Variants in NOP56 observed in about 807,000 individuals in gnomAD.
The protein encoded by NOP56 is nucleolar protein 56.
In NOP56, 31 loss-of-function variants were observed where a neutral mutation model predicts 58.3. The observed-to-expected ratio is 0.53, with a 90% CI of 0.40 to 0.72. NOP56 has a LOEUF of 0.72. Among genes scored for constraint, NOP56 ranks in the 30% least tolerant of loss-of-function variants. NOP56 has a pLI of 0.00. For synonymous variants in NOP56, 313 were observed against 282.8 expected (o/e 1.11, Z -1.07); for missense variants, 669 against 739.9 (o/e 0.90, Z 1.11).
chr20:2,656,390 T>C lies in NOP56; in HGVS notation c.1011-11T>C, dbSNP rs1207892219. On this transcript the variant is annotated splice_polypyrimidine_tract_variant and intron_variant, in intron 8 of 11. Transcript: ENST00000329276. ...TTCTGATCTTAAACTCTCCACTGAATATTCTCTCAGAGCCCTGAAGACAAG... is the reference window on the plus strand; with the variant it reads ...TTCTGATCTTAAACTCTCCACTGAACATTCTCTCAGAGCCCTGAAGACAAG... 8 of 1,614,040 alleles carry C rather than the reference T, an allele frequency of 5.0e-6. No homozygotes were observed. The highest frequency in any genetic ancestry group is 5.1e-6 in the Non-Finnish European group (6 of 1,179,992).
rs369630701 is a variant in NOP56, at chr20:2,654,962, C to A, written c.569+15C>A. 2.5e-6 allele frequency: 4 copies of A among 1,613,326 alleles called. No homozygotes were observed. The African/African-American group carries it at 4.0e-5, about 16-fold the overall frequency. On this transcript the variant is annotated intron_variant, in intron 5 of 11. Transcript: ENST00000329276. ...ATGCGTGTCAGGTAAAGTGCAGGGG[C>A]CACCCATAATACTGGAGCCTTTGGT...
At chr20:2,654,388 G>C (rs758616146) in intron 3 of NOP56, 26 bp from the exon 4 acceptor site, 1 of 1,613,868 alleles carries the variant, frequency 6.2e-7, no homozygotes, top group South Asian at 1.1e-5. Context: ...CAGCCTGTTA[G>C]TGGGAACTGT....
chr20:2,652,793 G>C (rs1036343933), intron 1 of NOP56, 49 bp from the exon 2 acceptor site: 7 of 1,581,842 alleles, frequency 4.4e-6, no homozygotes, highest in Admixed American at 1.8e-5. Flanking sequence ...AACGGGTTCC[G>C]GCAGACGCTG....
intron 3 of NOP56, chr20:2,653,825 T>C (rs1379359123): frequency 3.8e-6 from 1 of 260,258 alleles, no homozygotes; most frequent in Non-Finnish European, 7.7e-6. Context: ...CCGGCTAATT[T>C]TGTATTTTTG....
Position 2,655,397 on chromosome 20 carries a change from C to G in NOP56, c.642C>G (p.Ala214=), listed in dbSNP as rs1235551403. ...INDNATYCRL[A]QFIGNRRELN... is the part of the protein sequence containing the mutation. ...ACAATGCCACATACTGCCGTCTTGC[C>G]CAGTTTATTGGAAACCGAAGGGAAC... Residue 214 remains alanine, a synonymous_variant, in exon 6 of 12, where the codon GCC becomes GCG. Coordinates refer to ENST00000329276, the MANE Select transcript of NOP56 (RefSeq NM_006392.4). 6.2e-7 allele frequency: 1 copy of G among 1,614,074 alleles called. No individual in the cohort carries two copies. Among genetic ancestry groups the G allele is most frequent in the South Asian group, 1.1e-5 (1 of 91,066 alleles).
Position 2,658,373 on chromosome 20 carries a change from A to G in NOP56, c.*79A>G, listed in dbSNP as rs556032889. On this transcript the variant is annotated 3_prime_UTR_variant, in exon 12 of 12. Transcript: ENST00000329276. ...TTTCCCACCCTGTGCCGTGTTCCCC[A>G]ATAAAAACAAATTCACAAGAGTTGG... The G allele has an allele frequency of 3.1e-6, 5 of 1,609,024 alleles. No homozygotes were observed. In the African/African-American group the frequency reaches 6.7e-5, roughly 21 times the overall value.
intron 3 of NOP56, 73 bp from the exon 4 acceptor site, chr20:2,654,341 G>GGTA (rs2086789753): frequency 6.5e-7 from 1 of 1,545,800 alleles, no homozygotes; most frequent in Non-Finnish European, 8.9e-7. Context: ...GTGGGACCAG[G>GGTA]GTAGTCAGCT....
Position 2,657,065 on chromosome 20 carries a change from A to G in NOP56, c.1282-16A>G, listed in dbSNP as rs762123080. On this transcript the variant is annotated splice_polypyrimidine_tract_variant and intron_variant, in intron 10 of 11. Transcript: ENST00000329276. ...CCAGAAGTCTTCAGGCCCTTTTAGCACTTTTCTTTGACCAGGCAGAGGAAG... is the reference window on the plus strand; with the variant it reads ...CCAGAAGTCTTCAGGCCCTTTTAGCGCTTTTCTTTGACCAGGCAGAGGAAG... 6 of 1,614,068 alleles carry G rather than the reference A, an allele frequency of 3.7e-6. No individual in the cohort carries two copies. Among genetic ancestry groups the G allele is most frequent in the South Asian group, 2.2e-5 (2 of 91,068 alleles).
rs529491599 is a variant in NOP56 at position 2,653,275 on chromosome 20, C to T, written c.94-4C>T. Reference sequence around the variant, plus strand: ...GAAACCACTTAGCCTCTTTCTCCCCCCAGGTGGAGGAGTCTGTGCTCAACC... The same window carrying T: ...GAAACCACTTAGCCTCTTTCTCCCCTCAGGTGGAGGAGTCTGTGCTCAACC... On this transcript the variant is annotated splice_polypyrimidine_tract_variant and splice_region_variant and intron_variant, in intron 2 of 11. Coordinates refer to ENST00000329276, the MANE Select transcript of NOP56 (RefSeq NM_006392.4). 4.6e-5 allele frequency: 74 copies of T among 1,611,672 alleles called. 1 individual carries two copies. In the South Asian group the frequency reaches 7.4e-4, roughly 16 times the overall value.
In NOP56 at chr20:2,654,476, G is replaced by A. The variant is rs573280720; in HGVS notation, c.271G>A (p.Val91Ile). The A allele has an allele frequency of 6.2e-7, 1 of 1,614,206 alleles. No homozygotes were observed. Among genetic ancestry groups the A allele is most frequent in the East Asian group, 2.2e-5 (1 of 44,894 alleles). Reference protein sequence around the residue: ...ETHLPSKKKKVLLGVGDPKIG... With the variant: ...ETHLPSKKKKILLGVGDPKIG... ...CCACCTGCCGTCCAAAAAGAAGAAA[G>A]TACTCTTGGGAGTTGGGGATCCCAA... The change falls in exon 4 of 12, where the codon GTA becomes ATA. Residue 91 changes from valine to isoleucine, a missense_variant. Physicochemically the swap from Val to Ile is conservative, Grantham distance 29 (BLOSUM62 3). Around this residue, in one of 3 missense-constraint regions of NOP56, gnomAD observed 121 missense variants for 113.1 expected, o/e 1.07. Coordinates refer to ENST00000329276, the MANE Select transcript of NOP56 (RefSeq NM_006392.4).
At chr20:2,656,236 C>T in intron 8 of NOP56, 165 bp from the exon 9 acceptor site, 1 of 1,604,782 alleles carries the variant, frequency 6.2e-7, no homozygotes, top group Non-Finnish European at 8.5e-7. Context: ...TGGATGCCTT[C>T]CCTCTGCCTC....
chr20:2,655,132 A>G, intron 5 of NOP56, 185 bp downstream of exon 5: 6 of 1,049,658 alleles, frequency 5.7e-6, no homozygotes, highest in Non-Finnish European at 9.0e-6. Context: ...AGGTAGAGTA[A>G]ACCTACCCCA....
Position 2,655,685 on chromosome 20 carries a change from C to T in NOP56, c.848C>T (p.Thr283Ile), listed in dbSNP as rs772891600. The part of the protein sequence containing the change: ...SLSEYRQSLH[T>I]YLRSKMSQVA... ...TCTGAATACCGCCAGAGCCTACACA[C>T]TTACCTGCGCTCCAAGATGAGCCAA... The change falls in exon 7 of 12, where the codon ACT (threonine) becomes ATT (isoleucine). Residue 283 changes from threonine to isoleucine, a missense_variant. This residue lies in a region of NOP56 where 339 missense variants were observed against 430.5 expected (regional missense o/e 0.79). Transcript: ENST00000329276. 60 of 1,614,098 alleles carry T rather than the reference C, an allele frequency of 3.7e-5. No individual in the cohort carries two copies. Among genetic ancestry groups the T allele is most frequent in the Middle Eastern group, 1.6e-4 (1 of 6,084 alleles).
rs776137097 is a variant in NOP56, at chr20:2,656,110, GCTGACCAGGGCTCC to G, written c.1010+83_1010+96del. 1.9e-6 allele frequency: 3 copies of G among 1,613,114 alleles called. No individual in the cohort carries two copies. In the Admixed American group the frequency reaches 5.0e-5, roughly 27 times the overall value. ...TGCTTGTTGGGGGATCACGGTGATG[GCTGACCAGGGCTCC>G]CTGACCTATACAGGCCTCTGCTATG... On this transcript the variant is annotated intron_variant, in intron 8 of 11. Transcript: ENST00000329276.
chr20:2,655,047 GT>G, intron 5 of NOP56, 100 bp downstream of exon 5: 3 of 1,441,956 alleles, frequency 2.1e-6, no homozygotes, highest in African/African-American at 2.8e-5. Flanking sequence ...GTAGAACCAT[GT>G]GGGCTGGGGC....
chr20:2,654,458 C>T lies in NOP56; in HGVS notation c.253C>T (p.Pro85Ser). The change falls in exon 4 of 12, where the codon CCG (proline) becomes TCG (serine). Residue 85 changes from proline to serine, a missense_variant. Around this residue, in one of 3 missense-constraint regions of NOP56, gnomAD observed 121 missense variants for 113.1 expected, o/e 1.07. Coordinates refer to ENST00000329276, the MANE Select transcript of NOP56 (RefSeq NM_006392.4). ...CCGCCTGCTCTTGGAGACCCACCTG[C>T]CGTCCAAAAAGAAGAAAGTACTCTT... Reference protein sequence around the residue: ...DLRLLLETHLPSKKKKVLLGV... With the variant: ...DLRLLLETHLSSKKKKVLLGV... 6.2e-7 allele frequency: 1 copy of T among 1,614,126 alleles called. No homozygotes were observed. The highest frequency in any genetic ancestry group is 1.1e-5 in the South Asian group (1 of 91,084).
At chr20:2,655,214 GGATCTTTGTCCCATTTCCTCCAGGCAGA>G in intron 5 of NOP56, 83 bp from the exon 6 acceptor site, 1 of 1,348,158 alleles carries the variant, frequency 7.4e-7, no homozygotes, top group Non-Finnish European at 1.1e-6. Flanking sequence ...AGGAAGATTT[GGATCTTTGTCCCATTTCCTCCAGGCAGA>G]GTAGGTGTGG....
Position 2,658,223 on chromosome 20 carries a change from C to T in NOP56, c.1714C>T (p.Pro572Ser). The T allele has an allele frequency of 6.2e-7, 1 of 1,603,568 alleles. No homozygotes were observed. The highest frequency in any genetic ancestry group is 8.5e-7 in the Non-Finnish European group (1 of 1,174,974). Residue 572 changes from proline (P) to serine (S), a missense_variant, in exon 12 of 12, where the codon CCT (proline) becomes TCT (serine). Coordinates refer to ENST00000329276, the MANE Select transcript of NOP56 (RefSeq NM_006392.4). ...CAAAGAGGAGCCGGTCAGCAGTGGG[C>T]CTGAAGAGGCGGTTGGCAAGAGCAG... Reference protein sequence around the residue: ...FSKEEPVSSGPEEAVGKSSSK... With the variant: ...FSKEEPVSSGSEEAVGKSSSK...
intron 8 of NOP56, 122 bp downstream of exon 8, chr20:2,656,156 A>T (rs1031654751): frequency 6.2e-7 from 1 of 1,609,662 alleles, no homozygotes; most frequent in Non-Finnish European, 8.5e-7. Context: ...TATGGGGGTG[A>T]TGGCCAGTCC....
Sources: allele counts gnomAD v4.1 joint callset, GRCh38; gene constraint gnomAD v4.1.1; regional missense constraint gnomAD v4.1.1; transcripts MANE v1.5; gene names NCBI Gene and HGNC (gene_info 2026-07-23, HGNC 2026-07-21).